The following EXOC4 variants were observed in gnomAD, a reference collection of about 807,000 sequenced individuals.
EXOC4 encodes SEC8-like 1.
A neutral mutation model predicts 107.2 loss-of-function variants in EXOC4; 71 were observed. The ratio of observed to expected loss-of-function variants is 0.66; its 90% CI spans 0.55 to 0.81. EXOC4 has a LOEUF of 0.81. Ranked by LOEUF, EXOC4 falls within the 30% of genes least tolerant of loss-of-function variation. The pLI is 0.00. For missense variants in EXOC4, 1,108 were observed against 1,189.6 expected, an observed-to-expected ratio of 0.93 and a Z score of 1.01; for synonymous variants, 456 against 441.2, an observed-to-expected ratio of 1.03 and a Z score of -0.42.
At chr7:133,971,361 T>TATAGAGAGAGAG (rs1489958236) in intron 14 of EXOC4, among the ~76,000 whole-genome samples, 35 of 75,066 alleles carry the variant, frequency 4.7e-4, no homozygotes, top group East Asian at 1.9e-3. Context: ...TATATATATA[T>TATAGAGAGAGAG]AGAGAGAGAG....
chr7:133,338,000 A>G (rs563466081), intron 5 of EXOC4, among the ~76,000 whole-genome samples: 34 of 117,702 alleles, frequency 2.9e-4, no homozygotes, highest in Non-Finnish European at 5.3e-4. Flanking sequence ...CTATTTTGTT[A>G]GGTTTTCTTT....
chr7:133,645,856 A>C (rs886382110), intron 10 of EXOC4, among the ~76,000 whole-genome samples: 2 of 152,164 alleles, frequency 1.3e-5, no homozygotes, highest in Non-Finnish European at 2.9e-5. Context: ...TGTAAAGAGG[A>C]CTAGTTTTTA....
Position 133,890,575 on chromosome 7 carries a change from T to A in EXOC4, c.1735-5024T>A, listed in dbSNP as rs573779678. On this transcript the variant is annotated intron_variant, in intron 11 of 17. Transcript: ENST00000253861. ...GTTTTAGGTCTAACGTTTAAATCTT[T>A]AATCCATCTTGAATTGATTTTTGTA... is the stretch of plus-strand genomic sequence containing the variant. 3.8e-3 allele frequency among the ~76,000 whole-genome samples: 516 copies of A among 135,356 alleles called. 9 individuals are homozygous for A. Among genetic ancestry groups the A allele is most frequent in the East Asian group, 0.035 (161 of 4,634 alleles). 88.8% of individuals were successfully genotyped at this position (135,356 alleles called of 152,430 possible).
intron 10 of EXOC4, among the ~76,000 whole-genome samples, chr7:133,653,262 A>G (rs1399556575): frequency 6.6e-6 from 1 of 152,202 alleles, no homozygotes; most frequent in Non-Finnish European, 1.5e-5. Context: ...ATTACTTTGA[A>G]TTGGTTTGTA....
intron 9 of EXOC4, among the ~76,000 whole-genome samples, chr7:133,624,876 A>G: frequency 6.7e-6 from 1 of 148,954 alleles, no homozygotes; most frequent in East Asian, 2.0e-4. Context: ...TACAGGTGTG[A>G]GCCACCGCGC....
chr7:133,961,280 C>CTTTTTTTT lies in EXOC4; in HGVS notation c.2206+23228_2206+23235dup, dbSNP rs34400471. ...TTAAACCAATGAGACTCATGTCAAA[C>CTTTTTTTT]TTTTTTTTTTTTTTTTTTTTTTTTG... On this transcript the variant is annotated intron_variant, in intron 14 of 17. Transcript: ENST00000253861. 9.5e-4 allele frequency among the ~76,000 whole-genome samples: 73 copies of CTTTTTTTT among 77,018 alleles called. 5 individuals are homozygous for CTTTTTTTT. Among genetic ancestry groups the CTTTTTTTT allele is most frequent in the Admixed American group, 1.5e-3 (7 of 4,698 alleles). The allele number at this position is 77,018 out of a possible 152,430, so 50.5% of individuals were successfully genotyped here.
intron 5 of EXOC4, among the ~76,000 whole-genome samples, chr7:133,349,875 A>G (rs1035867981): frequency 2.0e-5 from 3 of 151,886 alleles, no homozygotes; most frequent in African/African-American, 7.3e-5. Flanking sequence ...AATAGTAGCC[A>G]TCCCAATGAG....
At chr7:133,609,721 C>A (rs1216234703) in intron 9 of EXOC4, among the ~76,000 whole-genome samples, 1 of 152,184 alleles carries the variant, frequency 6.6e-6, no homozygotes, top group Non-Finnish European at 1.5e-5. Context: ...GTGATAGACA[C>A]GGTGGGCCAG....
chr7:133,775,993 C>T (rs1015965231), intron 10 of EXOC4, among the ~76,000 whole-genome samples: 2 of 152,040 alleles, frequency 1.3e-5, no homozygotes, highest in African/African-American at 4.8e-5. Context: ...TCTTAATAGA[C>T]TTAAGATTTA....
At chr7:133,994,974 A>C (rs771001459) in intron 14 of EXOC4, among the ~76,000 whole-genome samples, 8 of 152,166 alleles carry the variant, frequency 5.3e-5, no homozygotes, top group Admixed American at 1.3e-4. Context: ...AGTTTCAGTA[A>C]GCCCTGAGGA....
chr7:133,841,129 C>CT (rs1294288211), intron 11 of EXOC4, among the ~76,000 whole-genome samples: 6 of 152,122 alleles, frequency 3.9e-5, no homozygotes, highest in African/African-American at 1.4e-4. Context: ...AGTTGGCTGC[C>CT]TTTTCTCTGG....
intron 17 of EXOC4, among the ~76,000 whole-genome samples, chr7:134,035,928 C>G (rs1422159141): frequency 3.9e-5 from 6 of 152,148 alleles, no homozygotes; most frequent in Admixed American, 3.9e-4. Context: ...GTCCTGTTGG[C>G]CAGAACTTGA....
chr7:133,655,088 A>G (rs1803257333), intron 10 of EXOC4, among the ~76,000 whole-genome samples: 1 of 152,146 alleles, frequency 6.6e-6, no homozygotes, highest in East Asian at 1.9e-4. Flanking sequence ...CTTTGTAAAC[A>G]CTGTACACTT....
At chr7:133,969,933 A>G (rs1223720151) in intron 14 of EXOC4, among the ~76,000 whole-genome samples, 1 of 152,046 alleles carries the variant, frequency 6.6e-6, no homozygotes, top group African/African-American at 2.4e-5. Context: ...CTGAACTTAC[A>G]ATTTTCCCAC....
intron 11 of EXOC4, among the ~76,000 whole-genome samples, chr7:133,872,538 A>C (rs1798771858): frequency 6.6e-6 from 1 of 152,344 alleles, no homozygotes; most frequent in African/African-American, 2.4e-5. Flanking sequence ...GGAAACAATA[A>C]AAGAAGAAAA....
chr7:134,008,136 A>G (rs1222296158), intron 17 of EXOC4, among the ~76,000 whole-genome samples: 1 of 152,154 alleles, frequency 6.6e-6, no homozygotes, highest in Non-Finnish European at 1.5e-5. Context: ...AATATATAAG[A>G]TAAGATACAA....
chr7:133,614,834 G>GTTTCAAGA (rs1802153751), intron 9 of EXOC4, among the ~76,000 whole-genome samples: 1 of 143,932 alleles, frequency 6.9e-6, no homozygotes, highest in Non-Finnish European at 1.5e-5. Flanking sequence ...GTTGTGAAGG[G>GTTTCAAGA]TTTCAAGATA....
intron 10 of EXOC4, among the ~76,000 whole-genome samples, chr7:133,738,964 G>A (rs1027634561): frequency 2.0e-5 from 3 of 152,114 alleles, no homozygotes; most frequent in South Asian, 2.1e-4. Flanking sequence ...TGAAGAGAGC[G>A]AAACCAACCT....
chr7:133,356,485 T>A lies in EXOC4; in HGVS notation c.919T>A (p.Leu307Met). The change falls in exon 6 of 18, where the codon TTG becomes ATG. Residue 307 changes from leucine (L) to methionine (M), a missense_variant. Coordinates refer to ENST00000253861, the MANE Select transcript of EXOC4 (RefSeq NM_021807.4). Reference protein sequence around the residue: ...KAIIERLEQELKQIVKRSTTQ... With the variant: ...KAIIERLEQEMKQIVKRSTTQ... ...AATCATAGAGCGCTTGGAGCAGGAGTTGAAGCAAATTGTGAAGAGGTCTAC... is the reference window on the plus strand; with the variant it reads ...AATCATAGAGCGCTTGGAGCAGGAGATGAAGCAAATTGTGAAGAGGTCTAC... 4 of 1,613,916 alleles carry A rather than the reference T, an allele frequency of 2.5e-6. No homozygotes were observed. The highest frequency in any genetic ancestry group is 3.4e-6 in the Non-Finnish European group (4 of 1,179,976).
Sources: allele counts gnomAD v4.1 joint callset (sites outside exome capture counted in the v4.1 genomes callset), GRCh38; gene constraint gnomAD v4.1.1; transcripts MANE v1.5; gene names NCBI Gene and HGNC (gene_info 2026-07-23, HGNC 2026-07-21).